PDE1C: variants seen among roughly 807,000 people sequenced by gnomAD.
PDE1C encodes dual specificity calcium/calmodulin-dependent 3',5'-cyclic nucleotide phosphodiesterase 1C.
Under a neutral mutation model 93.1 loss-of-function variants are expected in PDE1C, and 62 were observed. The observed-to-expected ratio is 0.67, with a 90% CI of 0.54 to 0.82. PDE1C has a LOEUF of 0.82. Ranked by LOEUF, PDE1C falls within the 40% of genes least tolerant of loss-of-function variation. The probability of loss-of-function intolerance (pLI) is 0.00; values close to 1 mark genes in which losing one functional copy is unlikely to be tolerated. For synonymous variants in PDE1C, 325 were observed against 310.1 expected, an observed-to-expected ratio of 1.05 and a Z score of -0.50; for missense variants, 742 against 884.6, an observed-to-expected ratio of 0.84 and a Z score of 2.04.
At chr7:31,728,281 C>A in the PDE1C span, among the ~76,000 whole-genome samples, 2 of 152,092 alleles carry the variant, frequency 1.3e-5, no homozygotes, top group African/African-American at 4.8e-5. Context: ...CCAAGGGAGC[C>A]TAGAGCTGCC....
At chr7:31,937,020 C>G (rs1034598903) in intron 2 of PDE1C, among the ~76,000 whole-genome samples, 3 of 152,080 alleles carry the variant, frequency 2.0e-5, no homozygotes, top group African/African-American at 7.2e-5. Flanking sequence ...GCTTCCAGGT[C>G]ATAGGTAAAT....
chr7:31,745,280 T>A, the PDE1C span, among the ~76,000 whole-genome samples: 3 of 152,214 alleles, frequency 2.0e-5, no homozygotes, highest in Non-Finnish European at 2.9e-5. Flanking sequence ...GTGGTAATAT[T>A]TTCCCTGAAT....
At chr7:31,815,332 G>A (rs905688713) in intron 15 of PDE1C, among the ~76,000 whole-genome samples, 4 of 152,014 alleles carry the variant, frequency 2.6e-5, no homozygotes, top group Admixed American at 6.6e-5. Context: ...GTTGTTAATC[G>A]ATATTTGTTG....
At chr7:31,973,256 TTAGA>T (rs1182215904) in intron 2 of PDE1C, among the ~76,000 whole-genome samples, 1 of 152,106 alleles carries the variant, frequency 6.6e-6, no homozygotes, top group Non-Finnish European at 1.5e-5. Flanking sequence ...CATTGGAATC[TTAGA>T]TGGAGAAAAG....
chr7:31,857,626 TC>T (rs924959623), intron 7 of PDE1C, among the ~76,000 whole-genome samples: 8 of 152,068 alleles, frequency 5.3e-5, no homozygotes, highest in African/African-American at 1.9e-4. Flanking sequence ...TAGAAGTCTC[TC>T]TGGACAGACC....
At chr7:31,852,531 C>T (rs936668385) in intron 7 of PDE1C, among the ~76,000 whole-genome samples, 4 of 152,126 alleles carry the variant, frequency 2.6e-5, no homozygotes, top group African/African-American at 7.2e-5. Context: ...TCGGGGGGCC[C>T]CCCATGTGGC....
At chr7:31,883,096 A>T (rs1797441565) in intron 2 of PDE1C, among the ~76,000 whole-genome samples, 1 of 152,228 alleles carries the variant, frequency 6.6e-6, no homozygotes, top group Non-Finnish European at 1.5e-5. Flanking sequence ...TATCATGTCA[A>T]ACATCAAAAA....
Position 31,988,806 on chromosome 7 carries a change from C to A in PDE1C, c.128+62748G>T, listed in dbSNP as rs6947473. Among the ~76,000 whole-genome samples the A allele has an allele frequency of 8.4e-3, 1,278 of 152,048 alleles. 21 individuals carry two copies. The highest frequency in any genetic ancestry group is 0.03 in the African/African-American group (1,224 of 41,486). On this transcript the variant is annotated intron_variant, in intron 2 of 17. Transcript: ENST00000396191. ...GGTCAGGAGATTGAGACCATCCTGG[C>A]GCACATGGTGAAACCCTGTCTCTAC...
intron 2 of PDE1C, among the ~76,000 whole-genome samples, chr7:31,939,230 AAGG>A (rs111840541): frequency 6.6e-6 from 1 of 151,594 alleles, no homozygotes; most frequent in African/African-American, 2.4e-5. Flanking sequence ...GAAGAAGAAG[AAGG>A]AGGAGGAGGA....
intron 1 of PDE1C, among the ~76,000 whole-genome samples, chr7:32,348,506 AG>A (rs750765136): frequency 1.1e-3 from 173 of 152,052 alleles, no homozygotes; most frequent in Non-Finnish European, 2.0e-3. Context: ...CTGGGACTAC[AG>A]GCACCTGCCA....
chr7:32,274,371 C>A (rs563496539), intron 1 of PDE1C, among the ~76,000 whole-genome samples: 14 of 121,912 alleles, frequency 1.1e-4, no homozygotes, highest in Admixed American at 4.7e-4. Context: ...GCATGTCTGG[C>A]CTTTTTTTTT....
At chr7:31,840,026 G>C (rs1041790711) in intron 9 of PDE1C, among the ~76,000 whole-genome samples, 1 of 152,138 alleles carries the variant, frequency 6.6e-6, no homozygotes, top group African/African-American at 2.4e-5. Flanking sequence ...GACAGAGAGA[G>C]ACTGCATCTC....
intron 2 of PDE1C, among the ~76,000 whole-genome samples, chr7:32,016,714 T>A (rs1479200863): frequency 2.6e-5 from 4 of 152,114 alleles, no homozygotes; most frequent in African/African-American, 9.7e-5. Context: ...GGAAGGAAAG[T>A]TAGTAATGAT....
chr7:31,927,165 TAAAC>T (rs386711843), intron 2 of PDE1C, among the ~76,000 whole-genome samples: 71,183 of 151,550 alleles, frequency 0.47, 16,836 homozygotes, highest in African/African-American at 0.5. Context: ...AGTAGGTGGT[TAAAC>T]CCCTCACAGT....
At chr7:31,723,811 C>T in the PDE1C span, among the ~76,000 whole-genome samples, 14 of 152,216 alleles carry the variant, frequency 9.2e-5, no homozygotes, top group African/African-American at 3.4e-4. Flanking sequence ...TAATTCTCGT[C>T]TACAGCATCC....
At chr7:32,181,023 A>T (rs1480805704) in intron 2 of PDE1C, among the ~76,000 whole-genome samples, 4 of 152,222 alleles carry the variant, frequency 2.6e-5, no homozygotes, top group African/African-American at 9.6e-5. Context: ...AAGGATTGAA[A>T]CTGGATGTGA....
At chr7:31,672,120 G>A in the PDE1C span, among the ~76,000 whole-genome samples, 1 of 152,128 alleles carries the variant, frequency 6.6e-6, no homozygotes, top group Non-Finnish European at 1.5e-5. Flanking sequence ...GCTGAACTGT[G>A]ACTTTTTTGT....
At chr7:32,394,236 G>T (rs1784802410) in intron 1 of PDE1C, among the ~76,000 whole-genome samples, 1 of 152,242 alleles carries the variant, frequency 6.6e-6, no homozygotes, top group South Asian at 2.1e-4. Context: ...TATCTGGAAA[G>T]AATGAAATAG....
At chr7:32,057,345 G>A (rs1460175785) in intron 1 of PDE1C, among the ~76,000 whole-genome samples, 1 of 152,182 alleles carries the variant, frequency 6.6e-6, no homozygotes, top group East Asian at 1.9e-4. Flanking sequence ...TGTCCGGAAT[G>A]TTTCAATGGA....
Sources: gnomAD v4.1 joint callset for allele counts (sites outside exome capture counted in the v4.1 genomes callset) on GRCh38, gnomAD v4.1.1 for gene constraint, MANE v1.5 for transcripts, NCBI Gene and HGNC (gene_info 2026-07-23, HGNC 2026-07-21) for gene names.